The following FNBP4 variants were observed in gnomAD, a reference collection of about 807,000 sequenced individuals.
FNBP4 encodes the protein formin-binding protein 4.
A neutral mutation model predicts 119.3 loss-of-function variants in FNBP4; 34 were observed. The observed-to-expected ratio is 0.28, with a 90% confidence interval of 0.22 to 0.38. The LOEUF is 0.38. Among genes scored for constraint, FNBP4 ranks in the 10% least tolerant of loss-of-function variants. FNBP4 has a pLI of 1.00. For synonymous variants in FNBP4, 462 were observed against 430.6 expected (o/e 1.07, Z -0.90); for missense variants, 1,112 against 1,228.9 (o/e 0.90, Z 1.42).
Position 47,766,997 on chromosome 11 carries a change from C to A in FNBP4, c.220+72G>T, listed in dbSNP as rs2097649030. 4 of 1,466,836 alleles carry A rather than the reference C, an allele frequency of 2.7e-6. No homozygotes were observed. The South Asian group carries it at 5.3e-5, about 19-fold the overall frequency. The allele number at this position is 1,466,836 out of a possible 1,614,324, so 90.9% of individuals were successfully genotyped here. On this transcript the variant is annotated intron_variant, in intron 1 of 16. Coordinates refer to ENST00000263773, the MANE Select transcript of FNBP4 (RefSeq NM_015308.5). ...ACCTCGCCCGCCTCCCTCGCCGGGT[C>A]TGGCCAGGCGCCGTGAGGAGCCTAG...
intron 2 of FNBP4, among the ~76,000 whole-genome samples, chr11:47,756,848 T>C (rs1252413614): frequency 6.6e-6 from 1 of 152,178 alleles, no homozygotes; most frequent in Non-Finnish European, 1.5e-5. Context: ...TCCAGCTTCA[T>C]CCATGTCCCT....
intron 2 of FNBP4, among the ~76,000 whole-genome samples, chr11:47,764,907 T>C (rs942042931): frequency 3.3e-5 from 5 of 152,136 alleles, no homozygotes; most frequent in African/African-American, 1.2e-4. Flanking sequence ...TAAGATCAAT[T>C]TCCAGGTCCA....
intron 16 of FNBP4, among the ~76,000 whole-genome samples, chr11:47,718,638 C>T (rs2097552099): frequency 6.6e-6 from 1 of 152,142 alleles, no homozygotes; most frequent in Admixed American, 6.6e-5. Flanking sequence ...TAGAACCTAT[C>T]AGAGATTAAT....
At chr11:47,763,763 A>G (rs1284782547) in intron 2 of FNBP4, among the ~76,000 whole-genome samples, 1 of 151,942 alleles carries the variant, frequency 6.6e-6, no homozygotes, top group East Asian at 1.9e-4. Context: ...GCCTCCCAAA[A>G]TGCTGGGATT....
intron 9 of FNBP4, 81 bp downstream of exon 9, chr11:47,736,535 G>C (rs1361756507): frequency 4.9e-5 from 58 of 1,194,750 alleles, no homozygotes; most frequent in Non-Finnish European, 6.6e-5. Flanking sequence ...ACTCCAGCCT[G>C]GGTGACAGAG....
chr11:47,758,872 G>C (rs1459192764), intron 2 of FNBP4, among the ~76,000 whole-genome samples: 1 of 151,830 alleles, frequency 6.6e-6, no homozygotes, highest in Non-Finnish European at 1.5e-5. Context: ...AAAGCGGGGG[G>C]GAAAAGAGAG....
chr11:47,753,196 C>T (rs1022846944), intron 3 of FNBP4, 94 bp from the exon 4 acceptor site: 32 of 1,001,060 alleles, frequency 3.2e-5, no homozygotes, highest in Non-Finnish European at 3.2e-5. Flanking sequence ...CTACATGAGC[C>T]GGGCACAGTG....
In FNBP4 at chr11:47,716,904, A is replaced by C. The variant is rs1351095038; in HGVS notation, c.*518T>G. On this transcript the variant is annotated 3_prime_UTR_variant, in exon 17 of 17. Coordinates refer to ENST00000263773, the MANE Select transcript of FNBP4 (RefSeq NM_015308.5). ...GACCGAGCTACCAGTTCTAGAACTTATGAGAACTACTCTAAAGAGTGTGGC... is the reference window on the plus strand; with the variant it reads ...GACCGAGCTACCAGTTCTAGAACTTCTGAGAACTACTCTAAAGAGTGTGGC... The C allele has an allele frequency of 6.5e-6, 1 of 152,724 alleles. No individual in the cohort carries two copies. Among genetic ancestry groups the C allele is most frequent in the Non-Finnish European group, 1.5e-5 (1 of 68,176 alleles). The allele number at this position is 152,724 out of a possible 1,614,324, so 9.5% of individuals were successfully genotyped here. A position where few individuals can be genotyped will look rare whatever the true frequency, so the allele number is the denominator to read the frequency against.
intron 8 of FNBP4, among the ~76,000 whole-genome samples, chr11:47,738,487 C>T (rs760182491): frequency 2.6e-5 from 4 of 151,752 alleles, no homozygotes; most frequent in Non-Finnish European, 2.9e-5. Flanking sequence ...ATCGCTTGAA[C>T]CTGGGAGGTG....
At chr11:47,749,551 G>A (rs1242884033) in intron 6 of FNBP4, among the ~76,000 whole-genome samples, 3 of 151,994 alleles carry the variant, frequency 2.0e-5, no homozygotes, top group East Asian at 3.8e-4. Context: ...GCAAGACTCT[G>A]TCTCAAAAAG....
chr11:47,747,818 T>C, intron 6 of FNBP4, among the ~76,000 whole-genome samples: 1 of 151,580 alleles, frequency 6.6e-6, no homozygotes, highest in Admixed American at 6.6e-5. Context: ...CATGGCGGCG[T>C]GCGCCTGTAA....
chr11:47,722,226 A>G (rs1156879001), intron 15 of FNBP4, among the ~76,000 whole-genome samples: 4 of 133,034 alleles, frequency 3.0e-5, no homozygotes, highest in African/African-American at 1.2e-4. Flanking sequence ...TTAGATATTG[A>G]TAAGACCAAT....
intron 12 of FNBP4, 24 bp from the exon 13 acceptor site, chr11:47,724,802 G>A (rs1453597256): frequency 8.6e-6 from 13 of 1,519,930 alleles, no homozygotes; most frequent in Non-Finnish European, 1.1e-5. Flanking sequence ...TAAGAGTCAG[G>A]GAAAAAGCAA....
chr11:47,718,481 G>A (rs190822763), intron 16 of FNBP4, among the ~76,000 whole-genome samples: 37 of 152,146 alleles, frequency 2.4e-4, no homozygotes, highest in Non-Finnish European at 5.0e-4. Flanking sequence ...CAAAGTGCTG[G>A]GATTACAGAT....
rs1434227204 is a variant in FNBP4, at chr11:47,752,758, G to A, written c.637+158C>T. ...GAACCCAGGAGGTGGAGGTTGGAGC[G>A]AGCCAAGATCGCGCCAGTGCACTCC... On this transcript the variant is annotated intron_variant, in intron 4 of 16. Coordinates refer to ENST00000263773, the MANE Select transcript of FNBP4 (RefSeq NM_015308.5). The A allele has an allele frequency of 1.3e-5, 8 of 610,054 alleles. No individual in the cohort carries two copies. The Admixed American group carries it at 1.8e-4, about 14-fold the overall frequency. The allele number at this position is 610,054 out of a possible 1,614,324, so 37.8% of individuals were successfully genotyped here. A position where few individuals can be genotyped will look rare whatever the true frequency, so the allele number is the denominator to read the frequency against.
intron 1 of FNBP4, among the ~76,000 whole-genome samples, chr11:47,766,815 G>T (rs376124025): frequency 6.6e-6 from 1 of 152,142 alleles, no homozygotes; most frequent in Non-Finnish European, 1.5e-5. Flanking sequence ...CCGAACTTCG[G>T]TCATATTTCA....
chr11:47,725,712 A>C, intron 12 of FNBP4: 1 of 849,232 alleles, frequency 1.2e-6, no homozygotes, highest in African/African-American at 1.8e-5. Flanking sequence ...ACCTTTAAAG[A>C]TTAGAGAAAA....
At chr11:47,731,161 T>C (rs1295142909) in intron 12 of FNBP4, 1 of 435,266 alleles carries the variant, frequency 2.3e-6, no homozygotes, top group East Asian at 3.7e-5. Context: ...TGTTAGCCTA[T>C]CTTTTCACTT....
intron 10 of FNBP4, among the ~76,000 whole-genome samples, 179 bp downstream of exon 10, chr11:47,733,846 C>T (rs116488891): frequency 8.4e-4 from 128 of 152,214 alleles, no homozygotes; most frequent in African/African-American, 3.0e-3. Flanking sequence ...AGAAAAAAGT[C>T]TATTTACTGT....
Sources: allele counts gnomAD v4.1 joint callset (sites outside exome capture counted in the v4.1 genomes callset), GRCh38; gene constraint gnomAD v4.1.1; transcripts MANE v1.5; gene names NCBI Gene and HGNC (gene_info 2026-07-23, HGNC 2026-07-21).